The following CNTN4 variants were observed in gnomAD, a reference collection of about 807,000 sequenced individuals.
CNTN4 encodes contactin-4.
Under a neutral mutation model 122.5 loss-of-function variants are expected in CNTN4, and 77 were observed. The ratio of observed to expected loss-of-function variants is 0.63; its 90% CI spans 0.52 to 0.76. The LOEUF (loss-of-function observed/expected upper bound fraction) is 0.76, where lower values mean the gene tolerates loss of function less well. Ranked by LOEUF, CNTN4 falls within the 30% of genes least tolerant of loss-of-function variation. The pLI is 0.00. For synonymous variants in CNTN4, 512 were observed against 447.0 expected, an observed-to-expected ratio of 1.15 and a Z score of -1.83; for missense variants, 1,256 against 1,259.1, an observed-to-expected ratio of 1.00 and a Z score of 0.04.
intron 10 of CNTN4, among the ~76,000 whole-genome samples, chr3:2,897,693 A>G (rs1334529383): frequency 6.6e-6 from 1 of 152,210 alleles, no homozygotes. Context: ...AATATTTTGC[A>G]TAATTTAATG....
At chr3:2,972,313 G>C (rs1280156809) in intron 13 of CNTN4, among the ~76,000 whole-genome samples, 1 of 151,862 alleles carries the variant, frequency 6.6e-6, no homozygotes, top group Non-Finnish European at 1.5e-5. Flanking sequence ...TACACACACA[G>C]ACACATACAC....
chr3:2,572,969 C>T (rs1010741054), intron 4 of CNTN4, among the ~76,000 whole-genome samples: 8 of 152,150 alleles, frequency 5.3e-5, no homozygotes, highest in African/African-American at 1.9e-4. Context: ...CTTTCTTCCA[C>T]GACCCTTAAG....
intron 7 of CNTN4, among the ~76,000 whole-genome samples, chr3:2,834,449 C>G (rs2093171363): frequency 1.3e-5 from 2 of 151,960 alleles, no homozygotes; most frequent in Non-Finnish European, 2.9e-5. Context: ...GTTTGTAATC[C>G]CAGCTACTTG....
intron 4 of CNTN4, among the ~76,000 whole-genome samples, chr3:2,604,658 TA>T (rs1401072206): frequency 6.6e-6 from 1 of 152,198 alleles, no homozygotes; most frequent in Non-Finnish European, 1.5e-5. Context: ...AGGATTCTGC[TA>T]GGCATTTTTT....
chr3:2,555,040 C>T (rs2078663557), intron 3 of CNTN4, among the ~76,000 whole-genome samples: 1 of 152,146 alleles, frequency 6.6e-6, no homozygotes, highest in Admixed American at 6.5e-5. Context: ...CTCAGTTCCC[C>T]AGAACACATG....
chr3:2,921,579 T>C (rs975877256), intron 12 of CNTN4, among the ~76,000 whole-genome samples: 2 of 152,208 alleles, frequency 1.3e-5, no homozygotes, highest in African/African-American at 4.8e-5. Flanking sequence ...ACGGTTAAAG[T>C]AATAAGAAAT....
chr3:2,784,715 C>G (rs1346428979), intron 6 of CNTN4, among the ~76,000 whole-genome samples: 2 of 152,170 alleles, frequency 1.3e-5, no homozygotes, highest in African/African-American at 4.8e-5. Context: ...CCCAGCTGTG[C>G]TTGTCACCTG....
intron 4 of CNTN4, chr3:2,735,737 G>A (rs554314561): frequency 3.0e-6 from 1 of 330,444 alleles, no homozygotes; most frequent in Admixed American, 4.5e-5. Flanking sequence ...GTGTATATTA[G>A]CAATACGGAG....
At chr3:2,206,989 T>C (rs2038383400) in intron 2 of CNTN4, among the ~76,000 whole-genome samples, 1 of 151,982 alleles carries the variant, frequency 6.6e-6, no homozygotes, top group South Asian at 2.1e-4. Flanking sequence ...CTTTGTAACA[T>C]TTTGGTAATT....
At chr3:2,458,514 TTATC>T (rs1207296595) in intron 3 of CNTN4, among the ~76,000 whole-genome samples, 2 of 152,186 alleles carry the variant, frequency 1.3e-5, no homozygotes, top group Non-Finnish European at 2.9e-5. Flanking sequence ...TAATTAAGCA[TTATC>T]TATCTATTTA....
chr3:2,407,467 G>A (rs1320769192), intron 3 of CNTN4, among the ~76,000 whole-genome samples: 4 of 151,936 alleles, frequency 2.6e-5, no homozygotes. Flanking sequence ...TCTCAGAACA[G>A]AACTTTCATA....
At chr3:3,003,232 C>T (rs531119981) in intron 14 of CNTN4, among the ~76,000 whole-genome samples, 11 of 152,100 alleles carry the variant, frequency 7.2e-5, no homozygotes, top group Non-Finnish European at 1.5e-4. Context: ...GTTTTAGATA[C>T]TGACTTTAAA....
At chr3:2,179,085 C>A (rs1028396808) in intron 2 of CNTN4, among the ~76,000 whole-genome samples, 1 of 151,984 alleles carries the variant, frequency 6.6e-6, no homozygotes, top group African/African-American at 2.4e-5. Context: ...TGATCATTTG[C>A]AATTATAAAT....
intron 2 of CNTN4, among the ~76,000 whole-genome samples, chr3:2,333,592 G>A (rs1276887494): frequency 6.6e-6 from 1 of 151,982 alleles, no homozygotes; most frequent in Non-Finnish European, 1.5e-5. Context: ...CTTGTATTTT[G>A]TTTACTTTGA....
intron 6 of CNTN4, among the ~76,000 whole-genome samples, chr3:2,784,835 T>C (rs1410811377): frequency 6.6e-6 from 1 of 152,244 alleles, no homozygotes; most frequent in Middle Eastern, 3.2e-3. Context: ...TTCAATACCA[T>C]GGCTCATAGA....
At chr3:2,767,154 G>C (rs981348003) in intron 6 of CNTN4, among the ~76,000 whole-genome samples, 1 of 152,206 alleles carries the variant, frequency 6.6e-6, no homozygotes, top group African/African-American at 2.4e-5. Context: ...GGGTGACAAA[G>C]AGAAGCTGGT....
At chr3:2,894,630 G>A (rs1035325097) in intron 10 of CNTN4, among the ~76,000 whole-genome samples, 1 of 152,126 alleles carries the variant, frequency 6.6e-6, no homozygotes, top group African/African-American at 2.4e-5. Context: ...GGTGTATAAG[G>A]GAAAGAGAAG....
At chr3:2,179,458 CA>C (rs1212488261) in intron 2 of CNTN4, among the ~76,000 whole-genome samples, 2 of 151,946 alleles carry the variant, frequency 1.3e-5, no homozygotes, top group Non-Finnish European at 2.9e-5. Flanking sequence ...TAATAAACTT[CA>C]ACTTCCAGCA....
chr3:2,698,016 A>T (rs2086143376), intron 4 of CNTN4, among the ~76,000 whole-genome samples: 1 of 152,190 alleles, frequency 6.6e-6, no homozygotes, highest in South Asian at 2.1e-4. Flanking sequence ...CTGATGTTTG[A>T]CTAAATGGGT....
Sources: allele counts gnomAD v4.1 joint callset (sites outside exome capture counted in the v4.1 genomes callset), GRCh38; gene constraint gnomAD v4.1.1; transcripts MANE v1.5; gene names NCBI Gene and HGNC (gene_info 2026-07-23, HGNC 2026-07-21).